Variants in NCKAP5 observed in about 807,000 individuals in gnomAD.
The protein encoded by NCKAP5 is nck-associated protein 5.
A neutral mutation model predicts 167.0 loss-of-function variants in NCKAP5; 92 were observed. The observed-to-expected ratio is 0.55, with a 90% confidence interval of 0.47 to 0.66. NCKAP5 has a LOEUF of 0.66. Ranked by LOEUF, NCKAP5 falls within the 30% of genes least tolerant of loss-of-function variation. The pLI, the probability that NCKAP5 is intolerant of heterozygous loss-of-function variation, is 0.00. For synonymous variants in NCKAP5, 891 were observed against 877.4 expected, an observed-to-expected ratio of 1.02 and a Z score of -0.27; for missense variants, 2,378 against 2,315.0, an observed-to-expected ratio of 1.03 and a Z score of -0.56.
chr2:133,137,406 T>TGTGTG (rs2082828771), intron 5 of NCKAP5, among the ~76,000 whole-genome samples: 2 of 136,204 alleles, frequency 1.5e-5, no homozygotes, highest in Admixed American at 7.3e-5. Flanking sequence ...GAGCTTGGTT[T>TGTGTG]TGTGTGTGTG....
intron 19 of NCKAP5, among the ~76,000 whole-genome samples, chr2:132,706,803 TGAG>T (rs1558949089): frequency 6.6e-6 from 1 of 152,056 alleles, no homozygotes; most frequent in Non-Finnish European, 1.5e-5. Context: ...GTCTCACAAA[TGAG>T]GAGAGGGAGC....
intron 5 of NCKAP5, among the ~76,000 whole-genome samples, chr2:133,185,155 G>T (rs1354141161): frequency 6.6e-6 from 1 of 152,050 alleles, no homozygotes; most frequent in East Asian, 1.9e-4. Flanking sequence ...AGAGCTAGGG[G>T]TCCAATTTCA....
intron 16 of NCKAP5, among the ~76,000 whole-genome samples, chr2:132,737,378 C>T (rs1260981491): frequency 6.6e-6 from 1 of 152,144 alleles, no homozygotes; most frequent in East Asian, 1.9e-4. Flanking sequence ...CTACAAGGCT[C>T]TCCTTTTGGG....
intron 4 of NCKAP5, among the ~76,000 whole-genome samples, chr2:133,254,048 T>C: frequency 6.6e-6 from 1 of 152,160 alleles, no homozygotes; most frequent in East Asian, 1.9e-4. Flanking sequence ...GCCTAAAAAA[T>C]TTTAGATGAT....
chr2:133,515,335 T>C (rs1683893254), intron 3 of NCKAP5, among the ~76,000 whole-genome samples: 1 of 152,204 alleles, frequency 6.6e-6, no homozygotes, highest in Admixed American at 6.5e-5. Context: ...AGTGCTATAA[T>C]GTTGAAAAGC....
intron 8 of NCKAP5, among the ~76,000 whole-genome samples, chr2:132,940,972 A>AAATTTTAAAAT: frequency 6.6e-6 from 1 of 152,246 alleles, no homozygotes; most frequent in Middle Eastern, 3.4e-3. Context: ...ATATTAATTA[A>AAATTTTAAAAT]AATTTTAAAA....
intron 4 of NCKAP5, among the ~76,000 whole-genome samples, chr2:133,262,325 G>A (rs752444361): frequency 1.3e-4 from 20 of 152,110 alleles, no homozygotes; most frequent in Non-Finnish European, 2.2e-4. Context: ...CCAAATCTCC[G>A]GCTATTTAGA....
At chr2:132,923,393 C>G (rs1188068050) in intron 8 of NCKAP5, among the ~76,000 whole-genome samples, 1 of 152,164 alleles carries the variant, frequency 6.6e-6, no homozygotes, top group South Asian at 2.1e-4. Flanking sequence ...ACAGCTCACT[C>G]AGAGAGGCAC....
At chr2:133,163,312 G>A (rs755797741) in intron 5 of NCKAP5, among the ~76,000 whole-genome samples, 2 of 152,114 alleles carry the variant, frequency 1.3e-5, no homozygotes, top group Non-Finnish European at 2.9e-5. Flanking sequence ...GCCTCTACAC[G>A]TACAGACACA....
At chr2:132,815,166 A>C (rs1686167022) in intron 11 of NCKAP5, among the ~76,000 whole-genome samples, 1 of 152,172 alleles carries the variant, frequency 6.6e-6, no homozygotes, top group East Asian at 1.9e-4. Flanking sequence ...TCAAGATGCA[A>C]AGTTATCTTT....
At chr2:133,087,422 G>T (rs1207773633) in intron 6 of NCKAP5, among the ~76,000 whole-genome samples, 1 of 152,196 alleles carries the variant, frequency 6.6e-6, no homozygotes, top group Non-Finnish European at 1.5e-5. Flanking sequence ...AGTAATCTCT[G>T]ATGGAGCGAG....
At chr2:133,463,113 T>C (rs778251137) in intron 3 of NCKAP5, among the ~76,000 whole-genome samples, 10 of 152,224 alleles carry the variant, frequency 6.6e-5, no homozygotes, top group Admixed American at 6.5e-5. Context: ...ATATTATTAA[T>C]AGTCACAGGG....
intron 6 of NCKAP5, among the ~76,000 whole-genome samples, chr2:133,098,673 G>A (rs1364718485): frequency 6.6e-6 from 1 of 152,106 alleles, no homozygotes; most frequent in East Asian, 1.9e-4. Flanking sequence ...TTACACTCTA[G>A]TTATATTTAA....
chr2:133,431,099 T>A (rs1690132807), intron 3 of NCKAP5, among the ~76,000 whole-genome samples: 1 of 152,132 alleles, frequency 6.6e-6, no homozygotes, highest in African/African-American at 2.4e-5. Flanking sequence ...ATTTCTAGGG[T>A]CATTTTTCCA....
At chr2:132,928,156 A>G (rs1056161569) in intron 8 of NCKAP5, among the ~76,000 whole-genome samples, 2 of 152,202 alleles carry the variant, frequency 1.3e-5, no homozygotes, top group African/African-American at 4.8e-5. Flanking sequence ...CTTATTAACT[A>G]ACTGGACTTG....
At chr2:133,294,845 T>C (rs1174823893) in intron 4 of NCKAP5, among the ~76,000 whole-genome samples, 1 of 152,208 alleles carries the variant, frequency 6.6e-6, no homozygotes, top group African/African-American at 2.4e-5. Context: ...CTTGGATATA[T>C]AAAAGTAATT....
At chr2:133,187,114 T>C (rs1253727131) in intron 5 of NCKAP5, among the ~76,000 whole-genome samples, 7 of 152,056 alleles carry the variant, frequency 4.6e-5, no homozygotes, top group Non-Finnish European at 1.0e-4. Context: ...CCTCTTATCA[T>C]TGCTTTAGCT....
At chr2:133,515,687 A>T (rs75717160) in intron 3 of NCKAP5, among the ~76,000 whole-genome samples, 1 of 152,214 alleles carries the variant, frequency 6.6e-6, no homozygotes, top group Non-Finnish European at 1.5e-5. Flanking sequence ...GATTTTACTT[A>T]TGCCCATTTT....
At chr2:133,213,058 G>T (rs1434264655) in intron 5 of NCKAP5, among the ~76,000 whole-genome samples, 1 of 152,160 alleles carries the variant, frequency 6.6e-6, no homozygotes, top group African/African-American at 2.4e-5. Context: ...TTCAGAAGTA[G>T]CAACAGCAGT....
Sources: gnomAD v4.1 joint callset for allele counts (sites outside exome capture counted in the v4.1 genomes callset) on GRCh38, gnomAD v4.1.1 for gene constraint, MANE v1.5 for transcripts, NCBI Gene and HGNC (gene_info 2026-07-23, HGNC 2026-07-21) for gene names.